CALD1: variants seen among roughly 807,000 people sequenced by gnomAD.
CALD1 encodes the protein caldesmon.
CALD1 carries 33 observed loss-of-function variants against 99.9 expected under a neutral mutation model. The observed-to-expected ratio is 0.33, with a 90% confidence interval of 0.25 to 0.44. The LOEUF (loss-of-function observed/expected upper bound fraction) is 0.44. Among genes scored for constraint, CALD1 ranks in the 20% least tolerant of loss-of-function variants. The pLI, the probability that CALD1 is intolerant of heterozygous loss-of-function variation, is 1.00. For synonymous variants in CALD1, 310 were observed against 325.0 expected (o/e 0.95, Z 0.50); for missense variants, 861 against 962.1 (o/e 0.89, Z 1.39).
intron 9 of CALD1, among the ~76,000 whole-genome samples, chr7:134,952,262 C>T (rs1249840298): frequency 6.6e-6 from 1 of 152,000 alleles, no homozygotes; most frequent in Non-Finnish European, 1.5e-5. Flanking sequence ...GATCGTGCCA[C>T]TGCACTCCAG....
intron 1 of CALD1, among the ~76,000 whole-genome samples, chr7:134,843,083 C>A (rs1036153555): frequency 6.6e-6 from 1 of 152,196 alleles, no homozygotes; most frequent in African/African-American, 2.4e-5. Flanking sequence ...CCTAACAGGG[C>A]CCAGCTCCCT....
At chr7:134,870,634 A>ATTAC (rs1474820439) in intron 3 of CALD1, among the ~76,000 whole-genome samples, 1 of 151,800 alleles carries the variant, frequency 6.6e-6, no homozygotes, top group African/African-American at 2.4e-5. Context: ...TTCTGTCTGT[A>ATTAC]TTACTTCTTT....
chr7:134,954,499 A>C (rs1563129895), intron 9 of CALD1, among the ~76,000 whole-genome samples: 1 of 152,192 alleles, frequency 6.6e-6, no homozygotes, highest in Non-Finnish European at 1.5e-5. Context: ...AAGTTAGGAT[A>C]TTTTCTAGCA....
chr7:134,868,730 G>C (rs546640829), intron 3 of CALD1, among the ~76,000 whole-genome samples: 5 of 152,314 alleles, frequency 3.3e-5, no homozygotes, highest in Admixed American at 2.0e-4. Context: ...TGCCTATGAT[G>C]AACTGGGCCA....
intron 3 of CALD1, chr7:134,927,969 T>C (rs1372380741): frequency 4.9e-5 from 7 of 142,290 alleles, no homozygotes; most frequent in Admixed American, 1.6e-4. Flanking sequence ...AATTATTAAA[T>C]AATTTTAATA....
chr7:134,958,354 G>T, intron 11 of CALD1, 64 bp downstream of exon 11: 1 of 1,265,750 alleles, frequency 7.9e-7, no homozygotes, highest in Non-Finnish European at 1.2e-6. Context: ...ACATAGAAGA[G>T]CATAAAAACA....
At chr7:134,930,631 G>C (rs1805451331) in intron 4 of CALD1, among the ~76,000 whole-genome samples, 1 of 152,094 alleles carries the variant, frequency 6.6e-6, no homozygotes, top group Non-Finnish European at 1.5e-5. Context: ...TATAGCAAAG[G>C]GGAAATAGGT....
chr7:134,808,063 C>G (rs182020771), intron 1 of CALD1, among the ~76,000 whole-genome samples: 1 of 151,742 alleles, frequency 6.6e-6, no homozygotes, highest in Admixed American at 6.6e-5. Context: ...AAAACAATTA[C>G]AAAGCCTGTT....
At chr7:134,893,162 CTT>C (rs1370610752) in intron 3 of CALD1, among the ~76,000 whole-genome samples, 1 of 152,138 alleles carries the variant, frequency 6.6e-6, no homozygotes, top group Non-Finnish European at 1.5e-5. Flanking sequence ...CTGTGTCTCT[CTT>C]CTCTGTTTAC....
chr7:134,730,789 T>A, the CALD1 span, among the ~76,000 whole-genome samples: 2 of 152,172 alleles, frequency 1.3e-5, no homozygotes. Context: ...TCATGATTCC[T>A]AAGATTTTAT....
intron 1 of CALD1, among the ~76,000 whole-genome samples, chr7:134,752,600 A>C (rs1796693998): frequency 6.6e-6 from 1 of 152,226 alleles, no homozygotes; most frequent in Non-Finnish European, 1.5e-5. Flanking sequence ...TCAAGAATGC[A>C]TAACCACAGC....
chr7:134,797,378 T>C (rs1056289060), intron 1 of CALD1, among the ~76,000 whole-genome samples: 1 of 152,234 alleles, frequency 6.6e-6, no homozygotes. Flanking sequence ...TTTTCTAAAA[T>C]TGTCTTTTAT....
chr7:134,947,706 G>A lies in CALD1; in HGVS notation c.1731G>A (p.Lys577=), dbSNP rs773589171. ...AGAAAAAGAGGGAGGAGAGAAGGAA[G>A]GTCCTGGAGGAGGAAGAGCAGAGGA... The part of the protein sequence containing the change: ...ELKKKREERR[K]VLEEEEQRRK... The change falls in exon 8 of 15, where the codon AAG becomes AAA. Residue 577 remains lysine, a synonymous_variant. Transcript: ENST00000361675. 1.2e-6 allele frequency: 2 copies of A among 1,611,406 alleles called. No individual in the cohort carries two copies. Among genetic ancestry groups the A allele is most frequent in the Non-Finnish European group, 1.7e-6 (2 of 1,178,384 alleles).
intron 7 of CALD1, among the ~76,000 whole-genome samples, chr7:134,946,847 A>ATTT (rs543778930): frequency 1.1e-3 from 158 of 144,028 alleles, no homozygotes; most frequent in African/African-American, 3.8e-3. Context: ...CGCCCGGCTA[A>ATTT]TTTTTTTTTT....
chr7:134,910,857 G>C (rs1259739038), intron 3 of CALD1, among the ~76,000 whole-genome samples: 1 of 152,142 alleles, frequency 6.6e-6, no homozygotes, highest in Non-Finnish European at 1.5e-5. Context: ...TCTGCATATA[G>C]TTGCAACATA....
At chr7:134,742,706 A>T (rs556304537), upstream of CALD1, among the ~76,000 whole-genome samples, 7 of 152,366 alleles carry the variant, frequency 4.6e-5, no homozygotes, top group East Asian at 5.8e-4. Context: ...TCTTACCAGT[A>T]TCGAACATCT....
At chr7:134,856,339 A>G (rs1800300131) in intron 2 of CALD1, among the ~76,000 whole-genome samples, 1 of 152,154 alleles carries the variant, frequency 6.6e-6, no homozygotes, top group Admixed American at 6.5e-5. Flanking sequence ...CCTAAGAGAG[A>G]TGGTGAGAAA....
Position 134,862,424 on chromosome 7 carries a change from A to C in CALD1, c.-41-5269A>C, listed in dbSNP as rs370900342. Reference sequence around the variant, plus strand: ...TATCAGCCATGAAAAGACTTGAAGGAAACTTAAATGTGTGTTGTTAAGTGG... The same window carrying C: ...TATCAGCCATGAAAAGACTTGAAGGCAACTTAAATGTGTGTTGTTAAGTGG... On this transcript the variant is annotated intron_variant, in intron 2 of 14. Transcript: ENST00000361675. 2.7e-4 allele frequency among the ~76,000 whole-genome samples: 41 copies of C among 152,336 alleles called. No individual in the cohort carries two copies. In the East Asian group the frequency reaches 4.4e-3, roughly 16 times the overall value.
intron 1 of CALD1, among the ~76,000 whole-genome samples, chr7:134,792,232 T>C (rs1352485395): frequency 6.6e-6 from 1 of 152,140 alleles, no homozygotes; most frequent in Non-Finnish European, 1.5e-5. Context: ...ATGGTTATCT[T>C]TGTGTTCACA....
Sources: allele counts gnomAD v4.1 joint callset (sites outside exome capture counted in the v4.1 genomes callset), GRCh38; gene constraint gnomAD v4.1.1; transcripts MANE v1.5; gene names NCBI Gene and HGNC (gene_info 2026-07-23, HGNC 2026-07-21).